The following CRAMP1 variants were observed in gnomAD, a reference collection of about 807,000 sequenced individuals.
CRAMP1 encodes the protein cramped chromatin regulator 1, also known as protein cramped-like.
A neutral mutation model predicts 115.4 loss-of-function variants in CRAMP1; 50 were observed. That is an observed-to-expected ratio of 0.43 (90% CI 0.35 to 0.55). CRAMP1 has a LOEUF of 0.55. Among genes scored for constraint, CRAMP1 ranks in the 20% least tolerant of loss-of-function variants. CRAMP1 has a pLI of 0.01. For synonymous variants in CRAMP1, 866 were observed against 745.4 expected (o/e 1.16, Z -2.64); for missense variants, 1,679 against 1,721.7 (o/e 0.98, Z 0.44).
At position 1,647,698 on chromosome 16, in the gene CRAMP1, G is replaced by T. The variant is rs567053671; in HGVS notation, c.828-4798G>T. 5.4e-5 allele frequency among the ~76,000 whole-genome samples: 8 copies of T among 147,028 alleles called. No individual in the cohort carries two copies. In the South Asian group the frequency reaches 1.3e-3, roughly 25 times the overall value. On this transcript the variant is annotated intron_variant, in intron 6 of 20. Transcript: ENST00000397412. ...TGGGAGGCAGAGGTTTTAGTGAGCT[G>T]AGATGGCACCACTGCACTCCAGCCT...
chr16:1,634,669 T>TGTTCTCCCGG (rs1450086298), intron 4 of CRAMP1, among the ~76,000 whole-genome samples: 14 of 152,178 alleles, frequency 9.2e-5, no homozygotes, highest in African/African-American at 2.7e-4. Flanking sequence ...CGTTCTCCCG[T>TGTTCTCCCGG]GTTCTCCCGG....
In CRAMP1 at chr16:1,614,661, G is replaced by T. The variant is rs1219238128; in HGVS notation, c.22G>T (p.Gly8Cys). The T allele has an allele frequency of 2.3e-6, 3 of 1,289,388 alleles. No individual in the cohort carries two copies. The highest frequency in any genetic ancestry group is 7.5e-5 in the Admixed American group (2 of 26,534). 79.9% of individuals were successfully genotyped at this position (1,289,388 alleles called of 1,614,324 possible). A position where few individuals can be genotyped will look rare whatever the true frequency, so the allele number is the denominator to read the frequency against. The change falls in exon 2 of 21, where the codon GGC becomes TGC. Residue 8 changes from glycine to cysteine, a missense_variant. Transcript: ENST00000397412. The surrounding 1 kb of genome is among the most constrained non-coding windows in gnomAD (Gnocchi z 4.4). Reference protein sequence around the residue: MTVKLGDGGSGEDGLKKL... With the variant: MTVKLGDCGSGEDGLKKL... Reference sequence around the variant, plus strand: ...CAGGATGACAGTGAAGTTGGGCGACGGCGGCAGCGGGGAGGACGGGCTCAA... The same window carrying T: ...CAGGATGACAGTGAAGTTGGGCGACTGCGGCAGCGGGGAGGACGGGCTCAA...
intron 9 of CRAMP1, among the ~76,000 whole-genome samples, chr16:1,655,546 C>T (rs1484283394): frequency 6.6e-6 from 1 of 152,212 alleles, no homozygotes; most frequent in Non-Finnish European, 1.5e-5. Context: ...TGGCCTGTGT[C>T]TGGCCCACGG....
At chr16:1,624,491 G>T (rs989596543) in intron 2 of CRAMP1, among the ~76,000 whole-genome samples, 5 of 151,500 alleles carry the variant, frequency 3.3e-5, no homozygotes, top group Non-Finnish European at 5.9e-5. Flanking sequence ...TCGGCTCACT[G>T]CAACCTCCAC....
chr16:1,621,919 T>G (rs1357348553), intron 2 of CRAMP1, among the ~76,000 whole-genome samples: 1 of 152,210 alleles, frequency 6.6e-6, no homozygotes, highest in African/African-American at 2.4e-5. Context: ...TTACATCATC[T>G]TACCTTTCCG....
chr16:1,631,177 A>G (rs976325624), intron 3 of CRAMP1, among the ~76,000 whole-genome samples: 1 of 152,190 alleles, frequency 6.6e-6, no homozygotes, highest in Non-Finnish European at 1.5e-5. Context: ...GTCCTGTGCC[A>G]AGAAGAGCCC....
intron 10 of CRAMP1, 71 bp downstream of exon 10, chr16:1,657,063 C>G (rs1442629782): frequency 7.4e-6 from 10 of 1,348,184 alleles, no homozygotes; most frequent in Non-Finnish European, 7.9e-6. Flanking sequence ...GGGCTCCCTG[C>G]TGGGTAGCTA....
Position 1,655,894 on chromosome 16 carries a change from G to T in CRAMP1, c.1137G>T (p.Glu379Asp). Residue 379 changes from glutamate to aspartate, a missense_variant, in exon 10 of 21, where the codon GAG becomes GAT. By Grantham distance (45) the Glu-to-Asp change is conservative. Around this residue, in one of 8 missense-constraint regions of CRAMP1, gnomAD observed 191 missense variants for 236.2 expected, o/e 0.81. Coordinates refer to ENST00000397412, the MANE Select transcript of CRAMP1 (RefSeq NM_020825.4). Reference protein sequence around the residue: ...HEVRVRKTLEERQLQDSCSAP... With the variant: ...HEVRVRKTLEDRQLQDSCSAP... ...GCACTCAGCGGAAGACACTCGAGGA[G>T]CGGCAGCTGCAGGACTCATGCTCCG... 1 of 1,609,678 alleles carries T rather than the reference G, an allele frequency of 6.2e-7. No individual in the cohort carries two copies. Among genetic ancestry groups the T allele is most frequent in the Non-Finnish European group, 8.5e-7 (1 of 1,177,300 alleles).
chr16:1,672,289 C>T lies in CRAMP1; in HGVS notation c.3645+1480C>T, dbSNP rs891501856. ...AGTATTTGTGAAACGCTGCCCGTCG[C>T]GAGTAATGCAAACGTGTTCACCTTC... is the stretch of plus-strand genomic sequence containing the variant. On this transcript the variant is annotated intron_variant, in intron 20 of 20. Transcript: ENST00000397412. This position sits in a 1 kb window ranked among gnomAD's most constrained non-coding sequence, Gnocchi z 4.9. 3.3e-5 allele frequency among the ~76,000 whole-genome samples: 5 copies of T among 152,148 alleles called. No individual in the cohort carries two copies. The highest frequency in any genetic ancestry group is 7.2e-5 in the African/African-American group (3 of 41,402).
At chr16:1,655,369 C>T in intron 9 of CRAMP1, 69 bp downstream of exon 9, 5 of 1,208,706 alleles carry the variant, frequency 4.1e-6, no homozygotes, top group South Asian at 2.4e-5. Context: ...TGGACCACGC[C>T]TCCCTGTGCC....
chr16:1,624,638 G>T (rs1304326864), intron 2 of CRAMP1, among the ~76,000 whole-genome samples: 1 of 152,054 alleles, frequency 6.6e-6, no homozygotes, highest in Admixed American at 6.6e-5. Context: ...GAGTGCAGTG[G>T]CGCGATCTCG....
Position 1,673,867 on chromosome 16 carries a change from T to C in CRAMP1, c.3646-14T>C, listed in dbSNP as rs114098179. The C allele has an allele frequency of 8.5e-4, 1,368 of 1,613,450 alleles. 17 individuals carry two copies. The African/African-American group carries it at 0.015, about 18-fold the overall frequency. ...GTCGCGGTGACTTGTTCTTCCTGTCTCCTCTTCCTGCAGGTTGTGGATTCC... is the reference window on the plus strand; with the variant it reads ...GTCGCGGTGACTTGTTCTTCCTGTCCCCTCTTCCTGCAGGTTGTGGATTCC... On this transcript the variant is annotated splice_polypyrimidine_tract_variant and intron_variant, in intron 20 of 20. Coordinates refer to ENST00000397412, the MANE Select transcript of CRAMP1 (RefSeq NM_020825.4).
At position 1,676,666 on chromosome 16, in the gene CRAMP1, C is replaced by T. The variant is rs2036971130; in HGVS notation, c.*2621C>T. Reference sequence around the variant, plus strand: ...CTTTCCTGAATCCCTCTGACGTTGCCTGGGATCTTTCTGTTGATTCGTCTT... The same window carrying T: ...CTTTCCTGAATCCCTCTGACGTTGCTTGGGATCTTTCTGTTGATTCGTCTT... On this transcript the variant is annotated 3_prime_UTR_variant, in exon 21 of 21. Coordinates refer to ENST00000397412, the MANE Select transcript of CRAMP1 (RefSeq NM_020825.4). The T allele has an allele frequency of 6.6e-6, 1 of 152,236 alleles. No homozygotes were observed. The highest frequency in any genetic ancestry group is 1.5e-5 in the Non-Finnish European group (1 of 68,054). 9.4% of individuals were successfully genotyped at this position (152,236 alleles called of 1,614,324 possible). A position where few individuals can be genotyped will look rare whatever the true frequency, so the allele number is the denominator to read the frequency against.
intron 2 of CRAMP1, among the ~76,000 whole-genome samples, chr16:1,619,726 G>A (rs911231481): frequency 2.0e-5 from 3 of 152,202 alleles, no homozygotes; most frequent in African/African-American, 7.2e-5. Context: ...GTCAGAGCAT[G>A]CAGGAGGACG....
chr16:1,660,059 C>A lies in CRAMP1; in HGVS notation c.2409C>A (p.Ser803=), dbSNP rs746882483. Residue 803 remains serine (S), a synonymous_variant, in exon 11 of 21, where the codon TCC becomes TCA. Transcript: ENST00000397412. The stretch of plus-strand genomic sequence containing the variant: ...TCCCGCCCAGCTCTGCACCCTGCTC[C>A]TCAGGTGAGGCTGTGGCAGCCACAC... ...KTFPPSSAPC[S]SGLRNPPRPL... is the part of the protein sequence containing the mutation. The A allele has an allele frequency of 1.3e-6, 2 of 1,569,708 alleles. No homozygotes were observed. The highest frequency in any genetic ancestry group is 1.7e-6 in the Non-Finnish European group (2 of 1,166,430).
chr16:1,632,178 C>T (rs1206187517), intron 3 of CRAMP1, 34 bp from the exon 4 acceptor site: 14 of 1,544,538 alleles, frequency 9.1e-6, no homozygotes, highest in Non-Finnish European at 1.2e-5. Flanking sequence ...ATTGTTTTAA[C>T]CCCTCTACAT....
chr16:1,658,170 C>T (rs1382161857), intron 10 of CRAMP1, among the ~76,000 whole-genome samples: 2 of 152,136 alleles, frequency 1.3e-5, no homozygotes, highest in East Asian at 1.9e-4. Flanking sequence ...GCAGATTTGC[C>T]TGGGGAGCAT....
In CRAMP1 at chr16:1,676,680, T is replaced by C. The variant is rs1439172462; in HGVS notation, c.*2635T>C. The C allele has an allele frequency of 6.6e-6, 1 of 152,286 alleles. No homozygotes were observed. The highest frequency in any genetic ancestry group is 6.5e-5 in the Admixed American group (1 of 15,286). 9.4% of individuals were successfully genotyped at this position (152,286 alleles called of 1,614,324 possible). On this transcript the variant is annotated 3_prime_UTR_variant, in exon 21 of 21. Coordinates refer to ENST00000397412, the MANE Select transcript of CRAMP1 (RefSeq NM_020825.4). ...TCTGACGTTGCCTGGGATCTTTCTG[T>C]TGATTCGTCTTTTCTGGAGATTGGG... is the stretch of plus-strand genomic sequence containing the variant.
At chr16:1,664,197 A>T (rs1459914242) in intron 13 of CRAMP1, among the ~76,000 whole-genome samples, 1 of 152,198 alleles carries the variant, frequency 6.6e-6, no homozygotes, top group Admixed American at 6.5e-5. Flanking sequence ...TTTTATCTGG[A>T]TTACTAGCAG....
Sources: gnomAD v4.1 joint callset for allele counts (sites outside exome capture counted in the v4.1 genomes callset) on GRCh38, gnomAD v4.1.1 for gene constraint, gnomAD v4.1.1 regional missense constraint, Gnocchi (gnomAD v3.1) non-coding constraint, MANE v1.5 for transcripts, NCBI Gene and HGNC (gene_info 2026-07-23, HGNC 2026-07-21) for gene names.